LRP1: variants seen among roughly 807,000 people sequenced by gnomAD.
LRP1 encodes the protein prolow-density lipoprotein receptor-related protein 1.
A neutral mutation model predicts 541.5 loss-of-function variants in LRP1; 51 were observed. That is an observed-to-expected ratio of 0.09 (90% CI 0.08 to 0.12). The LOEUF (loss-of-function observed/expected upper bound fraction) is 0.12, where lower values mean the gene tolerates loss of function less well. Among genes scored for constraint, LRP1 ranks in the 10% least tolerant of loss-of-function variants. The pLI is 1.00. For synonymous variants in LRP1, 2,219 were observed against 2,470.8 expected, an observed-to-expected ratio of 0.90 and a Z score of 3.02; for missense variants, 3,878 against 6,376.2, an observed-to-expected ratio of 0.61 and a Z score of 13.34.
At chr12:57,196,663 C>A (rs889737611) in intron 55 of LRP1, among the ~76,000 whole-genome samples, 1 of 152,118 alleles carries the variant, frequency 6.6e-6, no homozygotes, top group Non-Finnish European at 1.5e-5. Context: ...AAAGTCTGAG[C>A]CCCGAGCTGA....
rs866750111 is a variant in LRP1 at position 57,162,846 on chromosome 12, C to G, written c.2405-12C>G. On this transcript the variant is annotated splice_polypyrimidine_tract_variant and intron_variant, in intron 14 of 88. Coordinates refer to ENST00000243077, the MANE Select transcript of LRP1 (RefSeq NM_002332.3). This position sits in a 1 kb window ranked among gnomAD's most constrained non-coding sequence, Gnocchi z 5.2. ...TCCTCCCTTTGCCTTTCCCCATGGC[C>G]CTTCCCCACAGTTGGCACCAACAAA... 11 of 1,603,874 alleles carry G rather than the reference C, an allele frequency of 6.9e-6. No homozygotes were observed. The Middle Eastern group carries it at 6.6e-4, about 96-fold the overall frequency.
chr12:57,150,992 T>G (rs955212659), intron 6 of LRP1, among the ~76,000 whole-genome samples: 1 of 151,658 alleles, frequency 6.6e-6, no homozygotes, highest in African/African-American at 2.4e-5. Context: ...AGGGACCTCT[T>G]TGGATGTGTA....
Position 57,128,612 on chromosome 12 carries a change from C to T in LRP1, c.-353C>T. The T allele has an allele frequency of 4.8e-6, 2 of 415,422 alleles. No individual in the cohort carries two copies. The highest frequency in any genetic ancestry group is 8.5e-6 in the Non-Finnish European group (2 of 234,404). 25.7% of individuals were successfully genotyped at this position (415,422 alleles called of 1,614,324 possible). On this transcript the variant is annotated 5_prime_UTR_variant, in exon 1 of 89. Transcript: ENST00000243077. ...CTACCCGGTCCACGCCCCCCACCCC[C>T]CCTCCCCGCCTCCTCCCAATTGTGC...
intron 1 of LRP1, among the ~76,000 whole-genome samples, chr12:57,134,896 G>A (rs10747776): frequency 0.3 from 45,786 of 151,920 alleles, 7,309 homozygotes; most frequent in Admixed American, 0.4. Context: ...TAGTAGAGAC[G>A]GGGTTTCACC....
chr12:57,201,883 G>C lies in LRP1; in HGVS notation c.10572G>C (p.Ser3524=), dbSNP rs765166560. The change falls in exon 67 of 89, where the codon TCG becomes TCC. Residue 3524 remains serine (S), a synonymous_variant. Coordinates refer to ENST00000243077, the MANE Select transcript of LRP1 (RefSeq NM_002332.3). This position sits in a 1 kb window ranked among gnomAD's most constrained non-coding sequence, Gnocchi z 6.4. ...GAGAGGATGACTGTGGGGATGGCTCGGATGAGCCCAAGGAAGAGTGTGGTG... is the reference window on the plus strand; with the variant it reads ...GAGAGGATGACTGTGGGGATGGCTCCGATGAGCCCAAGGAAGAGTGTGGTG... ...CDGEDDCGDG[S]DEPKEECDER... The C allele has an allele frequency of 6.2e-7, 1 of 1,613,914 alleles. No individual in the cohort carries two copies. The highest frequency in any genetic ancestry group is 8.5e-7 in the Non-Finnish European group (1 of 1,180,022).
Position 57,179,180 on chromosome 12 carries a change from G to A in LRP1, c.4739-149G>A. On this transcript the variant is annotated intron_variant, in intron 28 of 88. Coordinates refer to ENST00000243077, the MANE Select transcript of LRP1 (RefSeq NM_002332.3). This position sits in a 1 kb window ranked among gnomAD's most constrained non-coding sequence, Gnocchi z 6.8. ...CACTGTGAGAAGGGGCTGCAGGTCT[G>A]CCAGGGGGGCTGCACCCAGCGGGGT... 8.4e-7 allele frequency: 1 copy of A among 1,191,890 alleles called. No individual in the cohort carries two copies. The highest frequency in any genetic ancestry group is 1.2e-6 in the Non-Finnish European group (1 of 849,466). The allele number at this position is 1,191,890 out of a possible 1,614,324, so 73.8% of individuals were successfully genotyped here.
chr12:57,196,906 G>A (rs968450463), intron 55 of LRP1, 76 bp from the exon 56 acceptor site: 22 of 1,310,326 alleles, frequency 1.7e-5, no homozygotes, highest in African/African-American at 4.4e-5. Flanking sequence ...GGGAATTGGA[G>A]TCTCTGAGCC....
rs2036597073 is a variant in LRP1, at chr12:57,199,197, C to T, written c.9677-15C>T. 6.2e-7 allele frequency: 1 copy of T among 1,610,840 alleles called. No individual in the cohort carries two copies. Among genetic ancestry groups the T allele is most frequent in the Non-Finnish European group, 8.5e-7 (1 of 1,178,600 alleles). ...TCCGGCTGACTGGCACTGTGCCTGC[C>T]CCTTGGCCCTGCAGTGCTGAGCCAG... On this transcript the variant is annotated splice_polypyrimidine_tract_variant and intron_variant, in intron 60 of 88. Coordinates refer to ENST00000243077, the MANE Select transcript of LRP1 (RefSeq NM_002332.3).
Position 57,179,622 on chromosome 12 carries a change from C to G in LRP1, c.4966+66C>G. The G allele has an allele frequency of 6.7e-7, 1 of 1,502,062 alleles. No individual in the cohort carries two copies. The highest frequency in any genetic ancestry group is 9.2e-7 in the Non-Finnish European group (1 of 1,084,528). The allele number at this position is 1,502,062 out of a possible 1,614,324, so 93.0% of individuals were successfully genotyped here. On this transcript the variant is annotated intron_variant, in intron 29 of 88. Coordinates refer to ENST00000243077, the MANE Select transcript of LRP1 (RefSeq NM_002332.3). This position sits in a 1 kb window ranked among gnomAD's most constrained non-coding sequence, Gnocchi z 6.8. ...CCTCCACCCGCCCCTTGCTCCCAAC[C>G]CTGGTCTACTTGGTCCGAGTGGTCC...
At position 57,162,387 on chromosome 12, in the gene LRP1, C is replaced by T; in HGVS notation, c.2273C>T (p.Thr758Ile). The T allele has an allele frequency of 1.2e-6, 2 of 1,614,204 alleles. No individual in the cohort carries two copies. Among genetic ancestry groups the T allele is most frequent in the Non-Finnish European group, 1.7e-6 (2 of 1,180,036 alleles). The part of the protein sequence containing the change: ...LCHHGNYLFW[T>I]EYRSGSVYRL... The stretch of plus-strand genomic sequence containing the variant: ...CACCATGGCAACTACCTCTTCTGGA[C>T]TGAGTATCGGAGTGGCAGTGTCTAC... The change falls in exon 14 of 89, where the codon ACT becomes ATT. Residue 758 changes from threonine to isoleucine, a missense_variant. Coordinates refer to ENST00000243077, the MANE Select transcript of LRP1 (RefSeq NM_002332.3). This position sits in a 1 kb window ranked among gnomAD's most constrained non-coding sequence, Gnocchi z 5.2.
intron 6 of LRP1, chr12:57,149,498 A>G: frequency 1.6e-6 from 1 of 610,964 alleles, no homozygotes; most frequent in Non-Finnish European, 2.9e-6. Context: ...AGCCAAAGGA[A>G]GTAACTTAAG....
chr12:57,172,698 C>A (rs1395771916), intron 20 of LRP1, among the ~76,000 whole-genome samples: 2 of 152,204 alleles, frequency 1.3e-5, no homozygotes, highest in East Asian at 3.9e-4. Flanking sequence ...ATAGCTTTAT[C>A]AATACCTGAA....
intron 34 of LRP1, among the ~76,000 whole-genome samples, chr12:57,181,849 A>C (rs2036172051): frequency 6.6e-6 from 1 of 152,008 alleles, no homozygotes; most frequent in Middle Eastern, 3.4e-3. Flanking sequence ...AAGAAATGAA[A>C]CCCAGACGCA....
chr12:57,191,932 A>ACACACACTACACACCC, intron 44 of LRP1, among the ~76,000 whole-genome samples: 2 of 15,852 alleles, frequency 1.3e-4, no homozygotes, highest in Non-Finnish European at 2.3e-4. Context: ...TACACATACC[A>ACACACACTACACACCC]CACACACACC....
chr12:57,151,640 C>T (rs2035527086), intron 6 of LRP1, among the ~76,000 whole-genome samples: 2 of 152,228 alleles, frequency 1.3e-5, no homozygotes, highest in African/African-American at 4.8e-5. Context: ...CCACCTGGAC[C>T]CCAATTCATA....
Position 57,165,606 on chromosome 12 carries a change from A to G in LRP1, c.2531-199A>G. On this transcript the variant is annotated intron_variant, in intron 15 of 88. Coordinates refer to ENST00000243077, the MANE Select transcript of LRP1 (RefSeq NM_002332.3). The surrounding 1 kb of genome is among the most constrained non-coding windows in gnomAD (Gnocchi z 4.5). The stretch of plus-strand genomic sequence containing the variant: ...CTGAAGTACAGTAAGCATTAAGTAG[A>G]GTAAACATCACTATTGTTGCTTGGG... 1 of 590,980 alleles carries G rather than the reference A, an allele frequency of 1.7e-6. No individual in the cohort carries two copies. Among genetic ancestry groups the G allele is most frequent in the Middle Eastern group, 4.2e-4 (1 of 2,388 alleles). 36.6% of individuals were successfully genotyped at this position (590,980 alleles called of 1,614,324 possible).
At chr12:57,208,898 A>C in intron 78 of LRP1, 81 bp downstream of exon 78, 2 of 1,272,782 alleles carry the variant, frequency 1.6e-6, no homozygotes, top group Non-Finnish European at 2.3e-6. Flanking sequence ...AGTCACACAA[A>C]AGCAAGGGAT....
At position 57,212,432 on chromosome 12, in the gene LRP1, C is replaced by A; in HGVS notation, c.13512C>A (p.Asn4504Lys). Residue 4504 changes from asparagine to lysine, a missense_variant, in exon 89 of 89, where the codon AAC becomes AAA. By Grantham distance (94) the Asn-to-Lys change is moderately conservative. This residue lies in a region of LRP1 where 871 missense variants were observed against 1,212.4 expected (regional missense o/e 0.72). Coordinates refer to ENST00000243077, the MANE Select transcript of LRP1 (RefSeq NM_002332.3). This position sits in a 1 kb window ranked among gnomAD's most constrained non-coding sequence, Gnocchi z 5.0. The part of the protein sequence containing the change: ...LDPDKPTNFT[N>K]PVYATLYMGG... ...CCCTGCAGCCCACCAACTTCACCAA[C>A]CCCGTGTATGCCACACTCTACATGG... The A allele has an allele frequency of 1.2e-6, 2 of 1,614,142 alleles. No individual in the cohort carries two copies. The highest frequency in any genetic ancestry group is 1.7e-6 in the Non-Finnish European group (2 of 1,180,028).
Position 57,148,438 on chromosome 12 carries a change from C to T in LRP1, c.841+2948C>T, listed in dbSNP as rs954547782. On this transcript the variant is annotated intron_variant, in intron 6 of 88. Transcript: ENST00000243077. Reference sequence around the variant, plus strand: ...GTCCCTTAGTCAGGAACCAGGCCTGCGCACTCTCACCCCCACCTCTGACCA... The same window carrying T: ...GTCCCTTAGTCAGGAACCAGGCCTGTGCACTCTCACCCCCACCTCTGACCA... Among the ~76,000 whole-genome samples, 9 of 152,190 alleles carry T rather than the reference C, an allele frequency of 5.9e-5. No homozygotes were observed. The East Asian group carries it at 9.7e-4, about 16-fold the overall frequency.
Sources: allele counts gnomAD v4.1 joint callset (sites outside exome capture counted in the v4.1 genomes callset), GRCh38; gene constraint gnomAD v4.1.1; regional missense constraint gnomAD v4.1.1; non-coding constraint Gnocchi (gnomAD v3.1); transcripts MANE v1.5; gene names NCBI Gene and HGNC (gene_info 2026-07-23, HGNC 2026-07-21).